RALGDS: variants seen among roughly 807,000 people sequenced by gnomAD.
RALGDS encodes the protein ral guanine nucleotide dissociation stimulator.
Under a neutral mutation model 99.8 loss-of-function variants are expected in RALGDS, and 44 were observed. That is an observed-to-expected ratio of 0.44 (90% CI 0.35 to 0.57). The LOEUF is 0.57. Ranked by LOEUF, RALGDS falls within the 20% of genes least tolerant of loss-of-function variation. The probability of loss-of-function intolerance (pLI) is 0.01; values close to 1 mark genes in which losing one functional copy is unlikely to be tolerated. For synonymous variants in RALGDS, 529 were observed against 505.0 expected, an observed-to-expected ratio of 1.05 and a Z score of -0.64; for missense variants, 1,022 against 1,203.1, an observed-to-expected ratio of 0.85 and a Z score of 2.23.
intron 1 of RALGDS, among the ~76,000 whole-genome samples, chr9:133,137,403 G>A (rs567296641): frequency 1.7e-4 from 26 of 152,334 alleles, no homozygotes; most frequent in Admixed American, 3.3e-4. Context: ...AAGTGAGCTC[G>A]ATGGGCCAGA....
intron 17 of RALGDS, chr9:133,099,575 C>T (rs1830650372): frequency 6.6e-6 from 1 of 152,568 alleles, no homozygotes; most frequent in African/African-American, 2.5e-5. Context: ...TATATACATG[C>T]ATATATATAC....
At chr9:133,099,796 T>G (rs530939971) in intron 17 of RALGDS, 1 of 194,282 alleles carries the variant, frequency 5.1e-6, no homozygotes, top group African/African-American at 2.3e-5. Context: ...TACCCCACTC[T>G]GAGCCTGCAC....
At chr9:133,106,386 G>T (rs533976861) in intron 8 of RALGDS, among the ~76,000 whole-genome samples, 1 of 152,126 alleles carries the variant, frequency 6.6e-6, no homozygotes, top group Non-Finnish European at 1.5e-5. Context: ...TAGCCATTGC[G>T]CCTGGCACAA....
intron 1 of RALGDS, among the ~76,000 whole-genome samples, chr9:133,142,458 C>G (rs1475574716): frequency 1.3e-5 from 2 of 152,146 alleles, no homozygotes; most frequent in African/African-American, 2.4e-5. Context: ...TGGGGGCCAG[C>G]AGTTGCCAAG....
chr9:133,139,887 G>A (rs977062663), intron 1 of RALGDS, among the ~76,000 whole-genome samples: 11 of 152,256 alleles, frequency 7.2e-5, no homozygotes, highest in African/African-American at 2.4e-4. Flanking sequence ...GAGGCAATGG[G>A]GGTACAGAGG....
chr9:133,118,576 CA>C (rs35779155), intron 1 of RALGDS, among the ~76,000 whole-genome samples: 36,243 of 152,250 alleles, frequency 0.24, 4,885 homozygotes, highest in Middle Eastern at 0.41. Context: ...AGGACCTCCC[CA>C]AAACCTGCTG....
At chr9:133,123,461 G>T (rs986323678), upstream of RALGDS, among the ~76,000 whole-genome samples, 4 of 152,180 alleles carry the variant, frequency 2.6e-5, no homozygotes, top group African/African-American at 9.7e-5. Flanking sequence ...GAAGAGTAAA[G>T]AATTCATCAC....
At chr9:133,125,354 TGCACCGATGGTCGTGAAA>T (rs1373379365), upstream of RALGDS, among the ~76,000 whole-genome samples, 1 of 152,194 alleles carries the variant, frequency 6.6e-6, no homozygotes, top group African/African-American at 2.4e-5. Flanking sequence ...AGAGTGGCCC[TGCACCGATGGTCGTGAAA>T]GCTGGGGGTC....
At chr9:133,131,731 AG>A (rs138212520), upstream of RALGDS, among the ~76,000 whole-genome samples, 1,168 of 152,254 alleles carry the variant, frequency 7.7e-3, 12 homozygotes, top group African/African-American at 0.026. Context: ...TTGACCTTCG[AG>A]GAACAGTAGA....
rs1269835157 is a variant in RALGDS at position 133,098,778 on chromosome 9, A to G, written c.2570-16T>C. On this transcript the variant is annotated splice_polypyrimidine_tract_variant and intron_variant, in intron 17 of 17. Transcript: ENST00000372050. ...ATCTTCAGCTCTGGTGGGGAGGGGC[A>G]GAGGGGTGATCAGGGATGCTCCTGG... The G allele has an allele frequency of 6.2e-7, 1 of 1,613,650 alleles. No homozygotes were observed. The highest frequency in any genetic ancestry group is 1.7e-5 in the Admixed American group (1 of 60,020).
At chr9:133,109,802 T>C (rs371964533) in intron 3 of RALGDS, 81 bp from the exon 4 acceptor site, 2 of 1,113,014 alleles carry the variant, frequency 1.8e-6, no homozygotes, top group African/African-American at 1.5e-5. Context: ...TTTTTTTGCT[T>C]TTTTTCATCA....
chr9:133,104,516 A>G, intron 9 of RALGDS, 185 bp from the exon 10 acceptor site: 1 of 622,056 alleles, frequency 1.6e-6, no homozygotes, highest in East Asian at 2.8e-5. Context: ...AGTGCGGATG[A>G]GAACTCCGCC....
At position 133,102,098 on chromosome 9, in the gene RALGDS, G is replaced by A. The variant is rs1212249141; in HGVS notation, c.2051C>T (p.Ser684Phe). ...GAGCTGGTCACAGGACTTGGAGTGG[G>A]AGCTGCCACTGGTACTGAGCTCAGT... ...PSTELSTSGS[S>F]HSKSCDQLRC... The change falls in exon 15 of 18, where the codon TCC becomes TTC. Residue 684 changes from serine to phenylalanine, a missense_variant. Transcript: ENST00000372050. The A allele has an allele frequency of 1.3e-6, 2 of 1,574,536 alleles. No homozygotes were observed. Among genetic ancestry groups the A allele is most frequent in the Non-Finnish European group, 1.7e-6 (2 of 1,159,722 alleles).
chr9:133,112,171 G>A lies in RALGDS; in HGVS notation c.184-19C>T. On this transcript the variant is annotated intron_variant, in intron 1 of 17. Coordinates refer to ENST00000372050, the MANE Select transcript of RALGDS (RefSeq NM_006266.4). ...TGGAGCTCTGTGAAGACAACGCCCG[G>A]CAGCCGGGCGCGGGGACGTCAAGGG... 6.5e-7 allele frequency: 1 copy of A among 1,534,210 alleles called. No individual in the cohort carries two copies. The highest frequency in any genetic ancestry group is 8.8e-7 in the Non-Finnish European group (1 of 1,132,302).
chr9:133,120,233 C>T (rs1014411340), intron 1 of RALGDS, among the ~76,000 whole-genome samples: 4 of 152,184 alleles, frequency 2.6e-5, no homozygotes, highest in Non-Finnish European at 5.9e-5. Flanking sequence ...TAGTCACCCT[C>T]CCCTCCATCC....
At chr9:133,121,278 G>T, upstream of RALGDS, 1 of 981,770 alleles carries the variant, frequency 1.0e-6, no homozygotes, top group East Asian at 1.1e-4. Context: ...GTCAGGCTGG[G>T]GGGCGGGGCC....
intron 2 of RALGDS, 74 bp downstream of exon 2, chr9:133,111,968 G>C: frequency 8.9e-7 from 1 of 1,119,246 alleles, no homozygotes; most frequent in African/African-American, 1.5e-5. Context: ...ATCAGAACTG[G>C]GGGCCCTCAA....
In RALGDS at chr9:133,110,319, C is replaced by T; in HGVS notation, c.465G>A (p.Gln155=). ...CTYRAFTTTQ[Q]VLDLLFKRYG... is the part of the protein sequence containing the mutation. ...ACCTTTTGAACAGCAGGTCCAGGAC[C>T]TGTTGGGTGGTGGTGAAGGCTCTAT... is the stretch of plus-strand genomic sequence containing the variant. Residue 155 remains glutamine, a synonymous_variant, in exon 3 of 18, where the codon CAG becomes CAA. Transcript: ENST00000372050. The T allele has an allele frequency of 6.2e-7, 1 of 1,613,876 alleles. No individual in the cohort carries two copies. Among genetic ancestry groups the T allele is most frequent in the Non-Finnish European group, 8.5e-7 (1 of 1,179,980 alleles).
chr9:133,121,263 C>T (rs1264603411), upstream of RALGDS: 1 of 982,512 alleles, frequency 1.0e-6, no homozygotes, highest in East Asian at 1.1e-4. Context: ...CCCGGCCCTG[C>T]TGATGTCAGG....
Sources: gnomAD v4.1 joint callset for allele counts (sites outside exome capture counted in the v4.1 genomes callset) on GRCh38, gnomAD v4.1.1 for gene constraint, MANE v1.5 for transcripts, NCBI Gene and HGNC (gene_info 2026-07-23, HGNC 2026-07-21) for gene names.